Variants in VPS8 observed in about 807,000 individuals in gnomAD.
VPS8 encodes the protein vacuolar protein sorting-associated protein 8 homolog.
In VPS8, 129 loss-of-function variants were observed where a neutral mutation model predicts 216.4. The observed-to-expected ratio is 0.60, with a 90% CI of 0.52 to 0.69. The LOEUF (loss-of-function observed/expected upper bound fraction) is 0.69, where lower values mean the gene tolerates loss of function less well. VPS8 is among the 30% of genes least tolerant of loss of function. The probability of loss-of-function intolerance (pLI) is 0.00; values close to 1 mark genes in which losing one functional copy is unlikely to be tolerated. For missense variants in VPS8, 1,531 were observed against 1,683.5 expected, an observed-to-expected ratio of 0.91 and a Z score of 1.59; for synonymous variants, 571 against 565.4, an observed-to-expected ratio of 1.01 and a Z score of -0.14.
At chr3:184,888,664 G>A (rs1731759143) in intron 22 of VPS8, among the ~76,000 whole-genome samples, 1 of 152,080 alleles carries the variant, frequency 6.6e-6, no homozygotes, top group African/African-American at 2.4e-5. Flanking sequence ...AGGAAGTGGA[G>A]GTGTAGAGGT....
At chr3:184,832,339 G>T (rs1451620200) in intron 3 of VPS8, among the ~76,000 whole-genome samples, 1 of 152,028 alleles carries the variant, frequency 6.6e-6, no homozygotes, top group Non-Finnish European at 1.5e-5. Flanking sequence ...TAGTCAGATG[G>T]TGTTTGTTTT....
At chr3:185,003,814 C>T (rs1302426869) in intron 45 of VPS8, among the ~76,000 whole-genome samples, 1 of 150,484 alleles carries the variant, frequency 6.6e-6, no homozygotes, top group Non-Finnish European at 1.5e-5. Context: ...GGGCGGCTGC[C>T]GGGCGGAGGG....
At chr3:184,933,782 A>G (rs1217031151) in intron 34 of VPS8, among the ~76,000 whole-genome samples, 1 of 152,194 alleles carries the variant, frequency 6.6e-6, no homozygotes, top group Non-Finnish European at 1.5e-5. Flanking sequence ...GAGTATATCA[A>G]GGATCTATAT....
intron 28 of VPS8, among the ~76,000 whole-genome samples, chr3:184,919,606 G>T (rs1017411399): frequency 6.6e-6 from 1 of 152,152 alleles, no homozygotes; most frequent in Non-Finnish European, 1.5e-5. Context: ...TTTGAGAATA[G>T]TAAGTAGGCT....
chr3:184,974,334 C>T (rs976807646), intron 40 of VPS8, among the ~76,000 whole-genome samples: 2 of 151,980 alleles, frequency 1.3e-5, no homozygotes, highest in Admixed American at 6.6e-5. Flanking sequence ...GCCTGTTGGC[C>T]ATTTGTATGG....
intron 21 of VPS8, among the ~76,000 whole-genome samples, chr3:184,879,921 G>A (rs1327855856): frequency 1.3e-5 from 2 of 152,104 alleles, no homozygotes; most frequent in Non-Finnish European, 2.9e-5. Flanking sequence ...AATAGATTTG[G>A]CTTTAACTAA....
chr3:184,831,811 C>T (rs1577775811), intron 3 of VPS8, among the ~76,000 whole-genome samples: 3 of 152,280 alleles, frequency 2.0e-5, no homozygotes, highest in East Asian at 1.9e-4. Context: ...TGGGATCTCC[C>T]GTTTTTCCTT....
chr3:184,934,832 T>C (rs1216527000), intron 34 of VPS8, among the ~76,000 whole-genome samples: 3 of 152,222 alleles, frequency 2.0e-5, no homozygotes, highest in Non-Finnish European at 4.4e-5. Flanking sequence ...CTATTGGGTT[T>C]AAGGTGTCAA....
chr3:184,957,341 A>T, intron 36 of VPS8, 33 bp from the exon 37 acceptor site: 1 of 1,577,408 alleles, frequency 6.3e-7, no homozygotes, highest in Non-Finnish European at 8.6e-7. Flanking sequence ...TAATGCTACA[A>T]TTGAGTGTTC....
intron 14 of VPS8, among the ~76,000 whole-genome samples, chr3:184,858,822 G>C (rs1275652360): frequency 6.6e-6 from 1 of 152,120 alleles, no homozygotes; most frequent in Non-Finnish European, 1.5e-5. Flanking sequence ...GTCTGCATTT[G>C]CTTTGACTAG....
intron 36 of VPS8, among the ~76,000 whole-genome samples, chr3:184,953,975 C>T (rs756617955): frequency 4.6e-5 from 7 of 152,258 alleles, no homozygotes; most frequent in East Asian, 3.9e-4. Context: ...CTTCAGGTGC[C>T]GAGCATAAGC....
chr3:184,936,194 T>A, intron 34 of VPS8, 52 bp from the exon 35 acceptor site: 1 of 1,477,068 alleles, frequency 6.8e-7, no homozygotes, highest in Non-Finnish European at 9.3e-7. Flanking sequence ...TCTGTGGATA[T>A]GCTGTTTAAA....
chr3:184,930,657 A>G (rs566009685), intron 34 of VPS8, 89 bp downstream of exon 34: 10 of 883,288 alleles, frequency 1.1e-5, no homozygotes, highest in Non-Finnish European at 1.8e-5. Context: ...GGCATGTATC[A>G]TATTAAGTTG....
intron 21 of VPS8, among the ~76,000 whole-genome samples, chr3:184,876,663 C>T (rs1260991430): frequency 1.3e-5 from 2 of 152,144 alleles, no homozygotes; most frequent in African/African-American, 2.4e-5. Flanking sequence ...TGAGTGGATC[C>T]ACCATGCACC....
intron 34 of VPS8, among the ~76,000 whole-genome samples, chr3:184,931,798 A>C (rs76465056): frequency 0.032 from 4,793 of 152,082 alleles, 266 homozygotes; most frequent in African/African-American, 0.11. Context: ...CCCTTTAATC[A>C]TTTAGTATTC....
chr3:184,932,549 G>A (rs1028092040), intron 34 of VPS8, among the ~76,000 whole-genome samples: 29 of 152,008 alleles, frequency 1.9e-4, no homozygotes, highest in Admixed American at 6.6e-4. Context: ...CCATACCTCC[G>A]ACTTTTCCCA....
At chr3:184,925,962 A>G in intron 30 of VPS8, among the ~76,000 whole-genome samples, 1 of 150,932 alleles carries the variant, frequency 6.6e-6, no homozygotes, top group East Asian at 2.0e-4. Flanking sequence ...TTTTGTAGAG[A>G]TGGGGTTTCA....
intron 22 of VPS8, among the ~76,000 whole-genome samples, chr3:184,890,704 AG>A (rs1427121951): frequency 6.6e-6 from 1 of 152,138 alleles, no homozygotes; most frequent in African/African-American, 2.4e-5. Flanking sequence ...TTTTCTCTGT[AG>A]GGCATACTAC....
intron 40 of VPS8, among the ~76,000 whole-genome samples, chr3:184,972,041 A>C (rs938646985): frequency 6.7e-6 from 1 of 149,810 alleles, no homozygotes; most frequent in African/African-American, 2.5e-5. Flanking sequence ...GCACCATTGC[A>C]CTCCAGCCCT....
Sources: gnomAD v4.1 joint callset for allele counts (sites outside exome capture counted in the v4.1 genomes callset) on GRCh38, gnomAD v4.1.1 for gene constraint, MANE v1.5 for transcripts, NCBI Gene and HGNC (gene_info 2026-07-23, HGNC 2026-07-21) for gene names.